Variants in PHACTR3 observed in about 807,000 individuals in gnomAD.
The protein encoded by PHACTR3 is protein phosphatase 1, regulatory subunit 123.
In PHACTR3, 16 loss-of-function variants were observed where a neutral mutation model predicts 66.8. The observed-to-expected ratio is 0.24, with a 90% confidence interval of 0.16 to 0.36. PHACTR3 has a LOEUF of 0.36. Among genes scored for constraint, PHACTR3 ranks in the 10% least tolerant of loss-of-function variants. PHACTR3 has a pLI of 1.00. For synonymous variants in PHACTR3, 323 were observed against 292.1 expected (o/e 1.11, Z -1.08); for missense variants, 647 against 719.9 (o/e 0.90, Z 1.16).
chr20:59,614,501 C>G (rs951475411), intron 1 of PHACTR3, among the ~76,000 whole-genome samples: 3 of 152,200 alleles, frequency 2.0e-5, no homozygotes, highest in Non-Finnish European at 2.9e-5. Flanking sequence ...CGCACCTTAT[C>G]TAATGGTCAC....
intron 1 of PHACTR3, among the ~76,000 whole-genome samples, chr20:59,742,852 G>A (rs2039217196): frequency 2.0e-5 from 3 of 152,174 alleles, no homozygotes; most frequent in Admixed American, 6.5e-5. Context: ...CACGTGGCGC[G>A]TCATATGGCG....
At chr20:59,704,712 C>T (rs2037636464) in intron 1 of PHACTR3, among the ~76,000 whole-genome samples, 1 of 151,528 alleles carries the variant, frequency 6.6e-6, no homozygotes, top group Admixed American at 6.6e-5. Flanking sequence ...TTGATAACTA[C>T]AGCTTTATTA....
intron 1 of PHACTR3, among the ~76,000 whole-genome samples, chr20:59,692,586 C>G (rs1911924796): frequency 6.6e-6 from 1 of 152,164 alleles, no homozygotes; most frequent in Non-Finnish European, 1.5e-5. Flanking sequence ...ATGAGTTAAC[C>G]CTTCAGGCTT....
At chr20:59,578,109 G>T (rs1466757594) in intron 1 of PHACTR3, among the ~76,000 whole-genome samples, 1 of 152,230 alleles carries the variant, frequency 6.6e-6, no homozygotes, top group African/African-American at 2.4e-5. Context: ...CGTGGGACTG[G>T]CCCCTCGCCC....
chr20:59,773,589 C>G (rs2040429659), intron 6 of PHACTR3, 136 bp downstream of exon 6: 1 of 978,264 alleles, frequency 1.0e-6, no homozygotes, highest in Non-Finnish European at 1.5e-6. Context: ...ACAAGGAAGT[C>G]ACATTTTCAT....
chr20:59,712,144 A>C (rs532920908), intron 1 of PHACTR3, among the ~76,000 whole-genome samples: 1 of 152,064 alleles, frequency 6.6e-6, no homozygotes, highest in Admixed American at 6.5e-5. Context: ...TTTTATCTTA[A>C]CCCTGAATCA....
At chr20:59,757,756 A>G (rs957370999) in intron 4 of PHACTR3, among the ~76,000 whole-genome samples, 1 of 152,210 alleles carries the variant, frequency 6.6e-6, no homozygotes, top group Non-Finnish European at 1.5e-5. Flanking sequence ...GTTCAAAGTC[A>G]TCCTGGACAG....
intron 7 of PHACTR3, among the ~76,000 whole-genome samples, chr20:59,796,008 G>T (rs1044887111): frequency 2.6e-5 from 4 of 151,956 alleles, no homozygotes; most frequent in African/African-American, 9.7e-5. Flanking sequence ...TTTGTTAGTT[G>T]TTTTCTGGTT....
Position 59,830,437 on chromosome 20 carries a change from GCATCTGATGGAGGAAGATGTGAA to G in PHACTR3, c.1329-6054_1329-6032del, listed in dbSNP as rs1184300003. On this transcript the variant is annotated intron_variant, in intron 8 of 12. Transcript: ENST00000371015. This position sits in a 1 kb window ranked among gnomAD's most constrained non-coding sequence, Gnocchi z 5.8. Reference sequence around the variant, plus strand: ...GAGTGTCTGATGGAGGAATGTGTGGGCATCTGATGGAGGAAGATGTGAACATCTGATGGAGGTGTGAATGAGCA... The same window carrying G: ...GAGTGTCTGATGGAGGAATGTGTGGGCATCTGATGGAGGTGTGAATGAGCA... Among the ~76,000 whole-genome samples the G allele has an allele frequency of 6.6e-6, 1 of 152,122 alleles. No homozygotes were observed. Among genetic ancestry groups the G allele is most frequent in the Non-Finnish European group, 1.5e-5 (1 of 68,008 alleles).
intron 1 of PHACTR3, among the ~76,000 whole-genome samples, chr20:59,589,320 C>T (rs1308195482): frequency 1.3e-5 from 2 of 152,220 alleles, no homozygotes; most frequent in African/African-American, 4.8e-5. Flanking sequence ...TCCCGATGGA[C>T]CCACCAGCTT....
intron 2 of PHACTR3, among the ~76,000 whole-genome samples, chr20:59,744,819 CT>C (rs1291064889): frequency 5.3e-5 from 8 of 152,344 alleles, no homozygotes; most frequent in East Asian, 3.9e-4. Context: ...CCACCCAGAG[CT>C]TTCCGCAGAG....
At chr20:59,692,239 G>C (rs1008931159) in intron 1 of PHACTR3, among the ~76,000 whole-genome samples, 2 of 152,306 alleles carry the variant, frequency 1.3e-5, no homozygotes, top group African/African-American at 4.8e-5. Context: ...AAGAACAAAA[G>C]CCCTACAAGC....
intron 1 of PHACTR3, among the ~76,000 whole-genome samples, chr20:59,614,532 T>C (rs2033965138): frequency 6.6e-6 from 1 of 152,218 alleles, no homozygotes; most frequent in South Asian, 2.1e-4. Flanking sequence ...GACTTTGACG[T>C]TGATTAGTTG....
chr20:59,767,422 C>T, intron 5 of PHACTR3, 27 bp downstream of exon 5: 1 of 1,601,946 alleles, frequency 6.2e-7, no homozygotes, highest in Non-Finnish European at 8.5e-7. Flanking sequence ...CCTGCCCATT[C>T]TATTTCCTTT....
At chr20:59,787,516 C>T (rs2040953005) in intron 7 of PHACTR3, among the ~76,000 whole-genome samples, 1 of 152,222 alleles carries the variant, frequency 6.6e-6, no homozygotes, top group Admixed American at 6.5e-5. Flanking sequence ...CCAGTGATCT[C>T]ACTCTTTATA....
chr20:59,658,748 G>A lies in PHACTR3; in HGVS notation c.118+53616G>A, dbSNP rs141395894. Among the ~76,000 whole-genome samples the A allele has an allele frequency of 2.0e-4, 31 of 152,220 alleles. No homozygotes were observed. In the South Asian group the frequency reaches 3.1e-3, roughly 15 times the overall value. On this transcript the variant is annotated intron_variant, in intron 1 of 12. Transcript: ENST00000371015. ...CATTATTTTTGACAATGTCCAGGGCGCATGCATTCCTCTACAACCTGATCC... is the reference window on the plus strand; with the variant it reads ...CATTATTTTTGACAATGTCCAGGGCACATGCATTCCTCTACAACCTGATCC...
chr20:59,707,039 A>AG (rs537939954), intron 1 of PHACTR3, among the ~76,000 whole-genome samples: 190 of 152,350 alleles, frequency 1.2e-3, no homozygotes, highest in African/African-American at 4.4e-3. Context: ...AGGAAAAAAA[A>AG]TAGTCCGACT....
chr20:59,803,863 A>C (rs559858815), intron 7 of PHACTR3, among the ~76,000 whole-genome samples: 1 of 152,296 alleles, frequency 6.6e-6, no homozygotes, highest in South Asian at 2.1e-4. Flanking sequence ...GGTTAGGATG[A>C]GAAAGTAAGC....
chr20:59,697,522 G>C (rs1214463579), intron 1 of PHACTR3, among the ~76,000 whole-genome samples: 1 of 152,038 alleles, frequency 6.6e-6, no homozygotes, highest in East Asian at 1.9e-4. Flanking sequence ...CCACTTCTTA[G>C]CCATGAGACC....
Sources: allele counts gnomAD v4.1 joint callset (sites outside exome capture counted in the v4.1 genomes callset), GRCh38; gene constraint gnomAD v4.1.1; non-coding constraint Gnocchi (gnomAD v3.1); transcripts MANE v1.5; gene names NCBI Gene and HGNC (gene_info 2026-07-23, HGNC 2026-07-21).